The following RASAL2 variants were observed in gnomAD, a reference collection of about 807,000 sequenced individuals.
RASAL2 encodes the protein ras GTPase-activating protein nGAP.
Under a neutral mutation model 128.9 loss-of-function variants are expected in RASAL2, and 58 were observed. The observed-to-expected ratio is 0.45, with a 90% confidence interval of 0.36 to 0.56. The LOEUF (loss-of-function observed/expected upper bound fraction) is 0.56, where lower values mean the gene tolerates loss of function less well. RASAL2 is among the 20% of genes least tolerant of loss of function. The probability of loss-of-function intolerance (pLI) is 0.00; values close to 1 mark genes in which losing one functional copy is unlikely to be tolerated. For synonymous variants in RASAL2, 561 were observed against 580.8 expected, an observed-to-expected ratio of 0.97 and a Z score of 0.49; for missense variants, 1,360 against 1,601.6, an observed-to-expected ratio of 0.85 and a Z score of 2.57.
At chr1:178,237,344 G>A (rs773162822) in intron 1 of RASAL2, among the ~76,000 whole-genome samples, 10 of 152,092 alleles carry the variant, frequency 6.6e-5, no homozygotes, top group South Asian at 2.1e-4. Context: ...GAGTTTAGCA[G>A]CAGAGGTTAG....
At chr1:178,197,743 A>G (rs1039318897) in intron 1 of RASAL2, among the ~76,000 whole-genome samples, 1 of 152,170 alleles carries the variant, frequency 6.6e-6, no homozygotes, top group African/African-American at 2.4e-5. Context: ...GTACATGTGC[A>G]CAATGTGCAG....
At chr1:178,373,917 T>C (rs1671854841) in intron 3 of RASAL2, among the ~76,000 whole-genome samples, 1 of 152,112 alleles carries the variant, frequency 6.6e-6, no homozygotes, top group South Asian at 2.1e-4. Flanking sequence ...TGTTGACTTC[T>C]GGGTAGTCAA....
chr1:178,250,397 G>A (rs1297881952), intron 1 of RASAL2, among the ~76,000 whole-genome samples: 1 of 152,202 alleles, frequency 6.6e-6, no homozygotes, highest in Non-Finnish European at 1.5e-5. Context: ...GCCTACTCAA[G>A]CCTCAGCAAT....
intron 1 of RASAL2, among the ~76,000 whole-genome samples, chr1:178,107,632 C>T (rs1047977010): frequency 6.6e-6 from 1 of 152,094 alleles, no homozygotes; most frequent in South Asian, 2.1e-4. Flanking sequence ...TCCCTTTCCC[C>T]TCCTCTTAGC....
chr1:178,439,334 T>G, intron 5 of RASAL2, 88 bp from the exon 6 acceptor site: 1 of 1,192,802 alleles, frequency 8.4e-7, no homozygotes. Context: ...TAGGCATTTG[T>G]ACATTTATTG....
chr1:178,286,938 T>G (rs1667058015), intron 2 of RASAL2, among the ~76,000 whole-genome samples: 1 of 152,176 alleles, frequency 6.6e-6, no homozygotes, highest in East Asian at 1.9e-4. Context: ...ATATTACTCT[T>G]TGACTAATAC....
At chr1:178,428,968 C>T (rs952594523) in intron 5 of RASAL2, among the ~76,000 whole-genome samples, 3 of 152,116 alleles carry the variant, frequency 2.0e-5, no homozygotes, top group Non-Finnish European at 4.4e-5. Flanking sequence ...AAGAGGATAA[C>T]AAAGTCTATC....
chr1:178,179,627 A>G (rs1662017984), intron 1 of RASAL2, among the ~76,000 whole-genome samples: 1 of 152,206 alleles, frequency 6.6e-6, no homozygotes, highest in South Asian at 2.1e-4. Context: ...AGTCTTATAA[A>G]GTGATAACAC....
rs536386690 is a variant in RASAL2 at position 178,341,083 on chromosome 1, G to C, written c.457+40965G>C. Among the ~76,000 whole-genome samples, 8 of 152,232 alleles carry C rather than the reference G, an allele frequency of 5.3e-5. No homozygotes were observed. The South Asian group carries it at 1.5e-3, about 28-fold the overall frequency. ...ACAGGCTTCTATCTCTGCGTCAGCT[G>C]TAAGATTTACCTGGTTTTTATACTC... is the stretch of plus-strand genomic sequence containing the variant. On this transcript the variant is annotated intron_variant, in intron 3 of 17. Coordinates refer to ENST00000367649, the MANE Select transcript of RASAL2 (RefSeq NM_170692.4).
intron 1 of RASAL2, among the ~76,000 whole-genome samples, chr1:178,146,077 A>G (rs559307507): frequency 1.3e-5 from 2 of 152,352 alleles, no homozygotes; most frequent in East Asian, 3.9e-4. Context: ...CTACTGAGAT[A>G]TGATAGGTAA....
At chr1:178,402,224 TAGCCAACATGTTGAA>T (rs1673674755) in intron 4 of RASAL2, among the ~76,000 whole-genome samples, 1 of 152,130 alleles carries the variant, frequency 6.6e-6, no homozygotes, top group African/African-American at 2.4e-5. Context: ...GAGACCAGCC[TAGCCAACATGTTGAA>T]AGCCCGTCTC....
At chr1:178,206,735 C>A (rs1235109883) in intron 1 of RASAL2, among the ~76,000 whole-genome samples, 1 of 152,080 alleles carries the variant, frequency 6.6e-6, no homozygotes, top group Non-Finnish European at 1.5e-5. Context: ...TCTATATTAA[C>A]ATTTTTTATA....
chr1:178,307,589 A>G (rs1377830908), intron 3 of RASAL2, among the ~76,000 whole-genome samples: 1 of 152,192 alleles, frequency 6.6e-6, no homozygotes, highest in East Asian at 1.9e-4. Context: ...TACAAATTCA[A>G]CTTCTTTTAA....
chr1:178,105,902 C>G (rs998645810), intron 1 of RASAL2, among the ~76,000 whole-genome samples: 7 of 152,072 alleles, frequency 4.6e-5, no homozygotes, highest in Non-Finnish European at 1.0e-4. Flanking sequence ...TTTTGAACTT[C>G]TAAGCTCAAG....
chr1:178,139,136 C>G (rs1660440354), intron 1 of RASAL2, among the ~76,000 whole-genome samples: 2 of 151,878 alleles, frequency 1.3e-5, no homozygotes, highest in African/African-American at 4.8e-5. Flanking sequence ...TTCTGCTATA[C>G]ATATTTCTGG....
chr1:178,389,161 T>C (rs1672751345), intron 3 of RASAL2: 20 of 466,258 alleles, frequency 4.3e-5, no homozygotes, highest in Non-Finnish European at 5.6e-5. Flanking sequence ...CCTTGTTTTC[T>C]AAGATCTGGA....
At chr1:178,424,258 T>C (rs1419232572) in intron 5 of RASAL2, among the ~76,000 whole-genome samples, 1 of 152,036 alleles carries the variant, frequency 6.6e-6, no homozygotes, top group Non-Finnish European at 1.5e-5. Flanking sequence ...TGTTTGTTTT[T>C]TGGATACGGA....
At chr1:178,123,235 A>G (rs1221388700) in intron 1 of RASAL2, 1 of 152,196 alleles carries the variant, frequency 6.6e-6, no homozygotes, top group Non-Finnish European at 1.5e-5. Context: ...AACATTCAAC[A>G]TGTTATACGT....
intron 4 of RASAL2, among the ~76,000 whole-genome samples, chr1:178,407,728 C>T (rs2102686401): frequency 6.6e-6 from 1 of 152,210 alleles, no homozygotes; most frequent in African/African-American, 2.4e-5. Context: ...GTTGCACATC[C>T]CTACATTTTT....
Sources: allele counts gnomAD v4.1 joint callset (sites outside exome capture counted in the v4.1 genomes callset), GRCh38; gene constraint gnomAD v4.1.1; transcripts MANE v1.5; gene names NCBI Gene and HGNC (gene_info 2026-07-23, HGNC 2026-07-21).